Variants in DOCK4 observed in about 807,000 individuals in gnomAD.
The protein encoded by DOCK4 is dedicator of cytokinesis protein 4.
In DOCK4, 97 loss-of-function variants were observed where a neutral mutation model predicts 268.1. The ratio of observed to expected loss-of-function variants is 0.36; its 90% CI spans 0.31 to 0.43. The LOEUF is 0.43. Ranked by LOEUF, DOCK4 falls within the 20% of genes least tolerant of loss-of-function variation. The probability of loss-of-function intolerance (pLI) is 1.00; values close to 1 mark genes in which losing one functional copy is unlikely to be tolerated. For missense variants in DOCK4, 2,145 were observed against 2,455.7 expected, an observed-to-expected ratio of 0.87 and a Z score of 2.67; for synonymous variants, 954 against 887.2, an observed-to-expected ratio of 1.08 and a Z score of -1.34.
At chr7:111,769,458 A>C in intron 37 of DOCK4, 71 bp downstream of exon 37, 1 of 1,570,842 alleles carries the variant, frequency 6.4e-7, no homozygotes, top group Non-Finnish European at 8.7e-7. Context: ...TTCATAAACT[A>C]GAAATGAAAG....
chr7:112,190,885 G>C (rs1819895401), intron 1 of DOCK4, among the ~76,000 whole-genome samples: 1 of 152,102 alleles, frequency 6.6e-6, no homozygotes, highest in South Asian at 2.1e-4. Context: ...TCCTTGGACA[G>C]GTAGGACAGG....
intron 1 of DOCK4, among the ~76,000 whole-genome samples, chr7:112,048,250 T>G (rs530831130): frequency 6.6e-6 from 1 of 151,998 alleles, no homozygotes; most frequent in Admixed American, 6.5e-5. Context: ...GAAAAAATTC[T>G]TAAAAATATA....
At chr7:112,107,900 G>T (rs966504047) in intron 1 of DOCK4, among the ~76,000 whole-genome samples, 2 of 152,208 alleles carry the variant, frequency 1.3e-5, no homozygotes, top group Non-Finnish European at 2.9e-5. Flanking sequence ...CAAGCCAAGG[G>T]CTGGAAATGT....
intron 16 of DOCK4, among the ~76,000 whole-genome samples, chr7:111,886,466 C>T (rs1807853982): frequency 6.6e-6 from 1 of 152,162 alleles, no homozygotes; most frequent in Admixed American, 6.5e-5. Flanking sequence ...CCGATTACAA[C>T]ACTGGGATAA....
At chr7:111,776,973 T>G (rs555966562) in intron 36 of DOCK4, among the ~76,000 whole-genome samples, 1 of 152,218 alleles carries the variant, frequency 6.6e-6, no homozygotes, top group Admixed American at 6.5e-5. Context: ...TGTGCCACCA[T>G]GACGGGCTAA....
intron 25 of DOCK4, among the ~76,000 whole-genome samples, chr7:111,837,376 A>G (rs548529682): frequency 1.6e-4 from 24 of 152,230 alleles, no homozygotes; most frequent in Admixed American, 2.6e-4. Context: ...CACCACCTCT[A>G]TTCAACATTG....
chr7:111,750,962 G>T (rs1443176581), intron 42 of DOCK4, among the ~76,000 whole-genome samples: 1 of 152,126 alleles, frequency 6.6e-6, no homozygotes, highest in East Asian at 1.9e-4. Context: ...GTACCTCAGG[G>T]TAATCAAATA....
chr7:112,159,396 C>G (rs1816890720), intron 1 of DOCK4, among the ~76,000 whole-genome samples: 1 of 152,116 alleles, frequency 6.6e-6, no homozygotes, highest in African/African-American at 2.4e-5. Context: ...ATCACCACCA[C>G]TCCCATTCTC....
At chr7:111,876,542 C>G (rs974006983) in intron 17 of DOCK4, among the ~76,000 whole-genome samples, 1 of 152,142 alleles carries the variant, frequency 6.6e-6, no homozygotes, top group Non-Finnish European at 1.5e-5. Context: ...TCCTTCATTA[C>G]AGAAGATGTT....
At position 112,151,370 on chromosome 7, in the gene DOCK4, C is replaced by T. The variant is rs1203250095; in HGVS notation, c.37+54732G>A. ...TGCATGTTAGGTACTCAATACAGCACCTAACAAAAAAATACTCCAAATATG... is the reference window on the plus strand; with the variant it reads ...TGCATGTTAGGTACTCAATACAGCATCTAACAAAAAAATACTCCAAATATG... On this transcript the variant is annotated intron_variant, in intron 1 of 52. Transcript: ENST00000428084. Among the ~76,000 whole-genome samples, 7 of 152,026 alleles carry T rather than the reference C, an allele frequency of 4.6e-5. No individual in the cohort carries two copies. The East Asian group carries it at 1.2e-3, about 25-fold the overall frequency.
chr7:111,998,390 C>A, intron 4 of DOCK4, 58 bp downstream of exon 4: 1 of 1,354,904 alleles, frequency 7.4e-7, no homozygotes, highest in Non-Finnish European at 1.0e-6. Flanking sequence ...TTTCAAATTC[C>A]AAAAGAAGCA....
At chr7:112,165,551 T>TGCGC (rs2116544046) in intron 1 of DOCK4, among the ~76,000 whole-genome samples, 1 of 141,174 alleles carries the variant, frequency 7.1e-6, no homozygotes, top group East Asian at 2.3e-4. Flanking sequence ...TGTGTGTGTG[T>TGCGC]GTGTGTGTGC....
At chr7:112,182,594 G>A (rs997528130) in intron 1 of DOCK4, among the ~76,000 whole-genome samples, 2 of 152,216 alleles carry the variant, frequency 1.3e-5, no homozygotes, top group Non-Finnish European at 2.9e-5. Context: ...TTGTGTGTGT[G>A]AGAGAGAAAC....
intron 7 of DOCK4, among the ~76,000 whole-genome samples, chr7:111,978,656 G>C (rs776115553): frequency 1.3e-5 from 2 of 152,190 alleles, no homozygotes; most frequent in Non-Finnish European, 2.9e-5. Context: ...ATCTAGGTTA[G>C]GGCTCACACT....
chr7:111,849,783 G>A (rs1804400948), intron 23 of DOCK4, among the ~76,000 whole-genome samples: 1 of 152,106 alleles, frequency 6.6e-6, no homozygotes, highest in African/African-American at 2.4e-5. Context: ...TTTCTCTTGG[G>A]CTGATCAGTT....
chr7:112,179,505 C>A (rs921093851), intron 1 of DOCK4, among the ~76,000 whole-genome samples: 10 of 146,760 alleles, frequency 6.8e-5, no homozygotes, highest in African/African-American at 2.1e-4. Flanking sequence ...AAGCACCCAG[C>A]ACAAAAGGTG....
intron 1 of DOCK4, among the ~76,000 whole-genome samples, chr7:112,056,377 T>C (rs17159207): frequency 0.037 from 5,635 of 152,228 alleles, 342 homozygotes; most frequent in African/African-American, 0.13. Flanking sequence ...AAATGTACTA[T>C]ACAAAATAGA....
At chr7:112,040,476 T>C (rs982076216) in intron 1 of DOCK4, among the ~76,000 whole-genome samples, 8 of 152,108 alleles carry the variant, frequency 5.3e-5, no homozygotes, top group African/African-American at 9.7e-5. Flanking sequence ...TGAACCACTA[T>C]AGACATTTCA....
chr7:111,833,457 T>C (rs1279070000), intron 26 of DOCK4, among the ~76,000 whole-genome samples: 1 of 151,930 alleles, frequency 6.6e-6, no homozygotes, highest in Non-Finnish European at 1.5e-5. Context: ...GGCAGGAGGA[T>C]TGTCTGAGCC....
Sources: gnomAD v4.1 joint callset for allele counts (sites outside exome capture counted in the v4.1 genomes callset) on GRCh38, gnomAD v4.1.1 for gene constraint, MANE v1.5 for transcripts, NCBI Gene and HGNC (gene_info 2026-07-23, HGNC 2026-07-21) for gene names.